The following TLE4 variants were observed in gnomAD, a reference collection of about 807,000 sequenced individuals.
The protein encoded by TLE4 is TLE family member 4, transcriptional corepressor.
Under a neutral mutation model 92.8 loss-of-function variants are expected in TLE4, and 8 were observed. That is an observed-to-expected ratio of 0.09 (90% confidence interval 0.05 to 0.16). TLE4 has a LOEUF of 0.16. Ranked by LOEUF, TLE4 falls within the 10% of genes least tolerant of loss-of-function variation. The pLI is 1.00. For synonymous variants in TLE4, 371 were observed against 374.1 expected, an observed-to-expected ratio of 0.99 and a Z score of 0.10; for missense variants, 675 against 997.6, an observed-to-expected ratio of 0.68 and a Z score of 4.36.
chr9:79,694,986 T>A (rs1383642263), intron 8 of TLE4, among the ~76,000 whole-genome samples: 2 of 152,176 alleles, frequency 1.3e-5, no homozygotes, highest in African/African-American at 4.8e-5. Flanking sequence ...TAAGTAAGAT[T>A]TGTTTCCCTG....
At chr9:79,602,808 GATA>G (rs962032762) in intron 4 of TLE4, among the ~76,000 whole-genome samples, 1 of 152,162 alleles carries the variant, frequency 6.6e-6, no homozygotes. Flanking sequence ...AGCTGCCATA[GATA>G]ATGATTCTTC....
At chr9:79,669,520 T>G (rs1297191145) in intron 8 of TLE4, among the ~76,000 whole-genome samples, 1 of 152,208 alleles carries the variant, frequency 6.6e-6, no homozygotes, top group Non-Finnish European at 1.5e-5. Flanking sequence ...GCTATGTCTT[T>G]TTTTTTGGCC....
At chr9:79,609,438 G>T (rs2047862506) in intron 4 of TLE4, among the ~76,000 whole-genome samples, 1 of 152,018 alleles carries the variant, frequency 6.6e-6, no homozygotes, top group Non-Finnish European at 1.5e-5. Context: ...TTTTGTTGGA[G>T]AATGGTGTAA....
chr9:79,708,221 C>G lies in TLE4; in HGVS notation c.1040C>G (p.Pro347Arg). The G allele has an allele frequency of 6.2e-7, 1 of 1,614,198 alleles. No homozygotes were observed. The highest frequency in any genetic ancestry group is 8.5e-7 in the Non-Finnish European group (1 of 1,180,036). Residue 347 changes from proline (P) to arginine (R), a missense_variant, in exon 12 of 20, where the codon CCT (proline) becomes CGT (arginine). Around this residue, in one of 5 missense-constraint regions of TLE4, gnomAD observed 280 missense variants for 287.3 expected, o/e 0.97. Coordinates refer to ENST00000376552, the MANE Select transcript of TLE4 (RefSeq NM_007005.6). ...SNSTPGLRPV[P>R]GKPPGVDPLA... Reference sequence around the variant, plus strand: ...TCTACTCCCGGATTGAGGCCTGTACCTGGAAAACCACCAGGAGTTGACCCT... The same window carrying G: ...TCTACTCCCGGATTGAGGCCTGTACGTGGAAAACCACCAGGAGTTGACCCT...
intron 8 of TLE4, among the ~76,000 whole-genome samples, chr9:79,670,212 A>G (rs1000852629): frequency 1.4e-4 from 21 of 152,098 alleles, no homozygotes; most frequent in Non-Finnish European, 2.2e-4. Context: ...AAAGAAAGAA[A>G]AAAAAACTTG....
At chr9:79,630,118 A>G (rs1436183908) in intron 6 of TLE4, among the ~76,000 whole-genome samples, 1 of 152,190 alleles carries the variant, frequency 6.6e-6, no homozygotes, top group Admixed American at 6.5e-5. Context: ...ATATGTGTCT[A>G]TTTTATATGT....
At chr9:79,672,451 T>C (rs1387265660) in intron 8 of TLE4, among the ~76,000 whole-genome samples, 1 of 152,196 alleles carries the variant, frequency 6.6e-6, no homozygotes, top group Non-Finnish European at 1.5e-5. Flanking sequence ...CAAGTGAATC[T>C]GTTTTTCTAC....
intron 8 of TLE4, among the ~76,000 whole-genome samples, chr9:79,697,810 C>G (rs936343930): frequency 2.0e-5 from 3 of 152,048 alleles, no homozygotes; most frequent in Admixed American, 6.5e-5. Flanking sequence ...GCTGTATTTT[C>G]TACTACACAT....
At chr9:79,677,398 A>G (rs990501609) in intron 8 of TLE4, among the ~76,000 whole-genome samples, 2 of 152,168 alleles carry the variant, frequency 1.3e-5, no homozygotes, top group African/African-American at 4.8e-5. Context: ...CATCCTGAGC[A>G]TGTGTCATGG....
intron 6 of TLE4, among the ~76,000 whole-genome samples, chr9:79,641,786 G>T (rs1327176724): frequency 1.3e-5 from 2 of 152,088 alleles, no homozygotes; most frequent in Non-Finnish European, 2.9e-5. Context: ...GGACTAAATG[G>T]TAGGGGCTTG....
chr9:79,658,646 C>T (rs746340439), intron 8 of TLE4, among the ~76,000 whole-genome samples: 15 of 152,202 alleles, frequency 9.9e-5, no homozygotes, highest in Non-Finnish European at 1.8e-4. Flanking sequence ...GGGTGTTAAC[C>T]GGTGAATGTG....
intron 8 of TLE4, among the ~76,000 whole-genome samples, chr9:79,664,002 G>A (rs1428417918): frequency 5.3e-5 from 8 of 152,190 alleles, no homozygotes; most frequent in Non-Finnish European, 1.2e-4. Flanking sequence ...ACGGGCCACG[G>A]GGCACAGTGT....
chr9:79,657,545 G>C (rs934873305), intron 8 of TLE4, among the ~76,000 whole-genome samples: 29 of 152,134 alleles, frequency 1.9e-4, no homozygotes, highest in Non-Finnish European at 3.8e-4. Context: ...CTTCCCACTT[G>C]ATGGAGGTTC....
At chr9:79,606,903 C>T (rs1390114457) in intron 4 of TLE4, among the ~76,000 whole-genome samples, 1 of 151,992 alleles carries the variant, frequency 6.6e-6, no homozygotes, top group East Asian at 1.9e-4. Context: ...GTAATGGGAT[C>T]ACTGGGTCAA....
Position 79,706,750 on chromosome 9 carries a change from C to G in TLE4, c.787C>G (p.Pro263Ala). 1 of 1,613,068 alleles carries G rather than the reference C, an allele frequency of 6.2e-7. No homozygotes were observed. The highest frequency in any genetic ancestry group is 8.5e-7 in the Non-Finnish European group (1 of 1,179,562). Residue 263 changes from proline to alanine, a missense_variant, in exon 11 of 20, where the codon CCA becomes GCA. Coordinates refer to ENST00000376552, the MANE Select transcript of TLE4 (RefSeq NM_007005.6). ...NLVVDVSNEDPSSPRGSPAHS... is the reference protein window; with the variant it reads ...NLVVDVSNEDASSPRGSPAHS... ...TGTCCACGATGTTCCTTTGTAGGATCCATCTTCCCCTCGAGGGAGCCCAGC... is the reference window on the plus strand; with the variant it reads ...TGTCCACGATGTTCCTTTGTAGGATGCATCTTCCCCTCGAGGGAGCCCAGC...
intron 1 of TLE4, 27 bp from the exon 2 acceptor site, chr9:79,573,662 A>G: frequency 3.8e-6 from 6 of 1,564,306 alleles, no homozygotes; most frequent in Non-Finnish European, 5.2e-6. Context: ...ATGTGGGCTA[A>G]TTAAATATTT....
intron 8 of TLE4, among the ~76,000 whole-genome samples, chr9:79,667,740 C>A (rs2061637096): frequency 6.6e-6 from 1 of 152,114 alleles, no homozygotes; most frequent in African/African-American, 2.4e-5. Context: ...GGATTTTCTA[C>A]ACGACCCCAC....
intron 11 of TLE4, chr9:79,707,153 C>A (rs778654055): frequency 1.8e-5 from 29 of 1,612,822 alleles, no homozygotes; most frequent in Middle Eastern, 3.3e-4. Flanking sequence ...GAGTGAAACA[C>A]GTCTTAGCGA....
chr9:79,652,558 C>T (rs1275644190), intron 6 of TLE4, 35 bp from the exon 7 acceptor site: 1 of 1,610,982 alleles, frequency 6.2e-7, no homozygotes. Context: ...GATATGGGGG[C>T]AAATTCAATA....
Sources: allele counts gnomAD v4.1 joint callset (sites outside exome capture counted in the v4.1 genomes callset), GRCh38; gene constraint gnomAD v4.1.1; regional missense constraint gnomAD v4.1.1; transcripts MANE v1.5; gene names NCBI Gene and HGNC (gene_info 2026-07-23, HGNC 2026-07-21).